NEXMIF: variants seen among roughly 807,000 people sequenced by gnomAD.
NEXMIF encodes the protein neurite extension and migration factor.
In NEXMIF, 8 loss-of-function variants were observed where a neutral mutation model predicts 62.1. That is an observed-to-expected ratio of 0.13 (90% CI 0.08 to 0.23). The LOEUF (loss-of-function observed/expected upper bound fraction) is 0.23, where lower values mean the gene tolerates loss of function less well. Ranked by LOEUF, NEXMIF falls within the 10% of genes least tolerant of loss-of-function variation. NEXMIF has a pLI of 1.00. For missense variants in NEXMIF, 976 were observed against 1,113.3 expected (o/e 0.88, Z 1.75); for synonymous variants, 404 against 416.6 (o/e 0.97, Z 0.37).
At chrX:74,856,325 G>A (rs1441038141) in intron 1 of NEXMIF, among the ~76,000 whole-genome samples, 1 of 111,621 alleles carries the variant, frequency 9.0e-6, no homozygotes, top group African/African-American at 3.3e-5. Flanking sequence ...CATTTCAGCA[G>A]GTAGAAGAAA....
chrX:74,774,830 AG>A (rs767055848), intron 1 of NEXMIF, among the ~76,000 whole-genome samples: 1 of 111,860 alleles, frequency 8.9e-6, no homozygotes, highest in Non-Finnish European at 1.9e-5. Context: ...AGAGAGGTGC[AG>A]CAAAATATCT....
At chrX:74,859,919 A>T (rs1578813) in intron 1 of NEXMIF, among the ~76,000 whole-genome samples, 2 of 109,805 alleles carry the variant, frequency 1.8e-5, no homozygotes, top group African/African-American at 6.7e-5. Context: ...GGAATTAAAT[A>T]ACACCACCTA....
chrX:74,874,919 T>C, intron 1 of NEXMIF, among the ~76,000 whole-genome samples: 1 of 109,113 alleles, frequency 9.2e-6, no homozygotes, highest in Admixed American at 9.9e-5. Flanking sequence ...TTTCTAGATA[T>C]ACAACCATGT....
At chrX:74,746,908 G>T (rs1344038446) in intron 1 of NEXMIF, among the ~76,000 whole-genome samples, 2 of 112,617 alleles carry the variant, frequency 1.8e-5, no homozygotes, top group Non-Finnish European at 3.7e-5. Context: ...AGGGAAAAGA[G>T]AAAATATATG....
Position 74,820,330 on chromosome X carries a change from T to TATA in NEXMIF, c.-47-74636_-47-74634dup, listed in dbSNP as rs759039271. On this transcript the variant is annotated intron_variant, in intron 1 of 3. Coordinates refer to ENST00000055682, the MANE Select transcript of NEXMIF (RefSeq NM_001008537.3). ...TGCACATGTACCCTAGAACTTAAAG[T>TATA]ATAATAATAATAATAATAATAATAA... 6.4e-3 allele frequency among the ~76,000 whole-genome samples: 691 copies of TATA among 108,291 alleles called. 2 individuals are homozygous for TATA. Among genetic ancestry groups the TATA allele is most frequent in the South Asian group, 0.018 (45 of 2,454 alleles). The allele number at this position is 108,291 out of a possible 115,157, so 94.0% of individuals were successfully genotyped here.
intron 1 of NEXMIF, among the ~76,000 whole-genome samples, chrX:74,794,871 C>G (rs1443671202): frequency 8.9e-6 from 1 of 111,836 alleles, no homozygotes; most frequent in Non-Finnish European, 1.9e-5. Context: ...CCTACGCCCA[C>G]TGTCTGGCAC....
chrX:74,809,537 T>C (rs1285274861), intron 1 of NEXMIF, among the ~76,000 whole-genome samples: 10 of 111,868 alleles, frequency 8.9e-5, no homozygotes, highest in Admixed American at 7.6e-4. Context: ...AGAACTACAA[T>C]GTTTAGCTTA....
chrX:74,893,642 G>GC (rs1450461666), intron 1 of NEXMIF, among the ~76,000 whole-genome samples: 3 of 112,592 alleles, frequency 2.7e-5, no homozygotes, highest in Non-Finnish European at 3.7e-5. Flanking sequence ...CTCTATTTAG[G>GC]CAAGTTGTAA....
intron 1 of NEXMIF, among the ~76,000 whole-genome samples, chrX:74,919,725 T>G (rs888745453): frequency 1.8e-5 from 2 of 110,888 alleles, no homozygotes; most frequent in African/African-American, 6.6e-5. Flanking sequence ...GCTGCACCCA[T>G]TAACTCATCA....
At chrX:74,780,314 A>T (rs2080242361) in intron 1 of NEXMIF, among the ~76,000 whole-genome samples, 1 of 110,675 alleles carries the variant, frequency 9.0e-6, no homozygotes, top group Admixed American at 9.7e-5. Context: ...TGGTTCATGG[A>T]TGTAATAAAA....
chrX:74,844,899 AT>A (rs1266134484), intron 1 of NEXMIF, among the ~76,000 whole-genome samples: 3 of 111,712 alleles, frequency 2.7e-5, no homozygotes, highest in Non-Finnish European at 5.7e-5. Flanking sequence ...ATCCAACACC[AT>A]TTTTTTCAAC....
At chrX:74,754,979 A>G (rs962189080) in intron 1 of NEXMIF, among the ~76,000 whole-genome samples, 3 of 112,095 alleles carry the variant, frequency 2.7e-5, no homozygotes, top group Non-Finnish European at 3.8e-5. Flanking sequence ...GGTAACTGGG[A>G]GCCTCAGTTT....
At chrX:74,813,747 C>T (rs1198172885) in intron 1 of NEXMIF, among the ~76,000 whole-genome samples, 6 of 112,007 alleles carry the variant, frequency 5.4e-5, no homozygotes, top group Non-Finnish European at 1.1e-4. Flanking sequence ...ACCAGTATCA[C>T]CAATACTCAG....
At chrX:74,776,750 CA>C (rs1226171603) in intron 1 of NEXMIF, among the ~76,000 whole-genome samples, 1 of 84,806 alleles carries the variant, frequency 1.2e-5, no homozygotes, top group Non-Finnish European at 2.5e-5. Flanking sequence ...AAAAAACAAA[CA>C]AAAAAAGGAA....
intron 1 of NEXMIF, among the ~76,000 whole-genome samples, chrX:74,895,834 T>TAAA (rs749007896): frequency 2.3e-5 from 2 of 86,024 alleles, no homozygotes; most frequent in African/African-American, 8.5e-5. Flanking sequence ...GGCTACTGTG[T>TAAA]AAAAAAAAAA....
Position 74,743,872 on chromosome X carries a change from C to A in NEXMIF, c.685G>T (p.Asp229Tyr), listed in dbSNP as rs139459124. ...ETEKPDIDLEDPAQKSYYEAL... is the reference protein window; with the variant it reads ...ETEKPDIDLEYPAQKSYYEAL... ...TCATAATAGCTTTTCTGAGCCGGAT[C>A]CTCCAAGTCAATGTCAGGTTTCTCA... The change falls in exon 3 of 4, where the codon GAT (aspartate) becomes TAT (tyrosine). Residue 229 changes from aspartate to tyrosine, a missense_variant. Asp to Tyr is a radical substitution (Grantham distance 160). Around this residue, in one of 5 missense-constraint regions of NEXMIF, gnomAD observed 45 missense variants for 86.8 expected, o/e 0.52. Transcript: ENST00000055682. The A allele has an allele frequency of 9.1e-6, 11 of 1,209,513 alleles. No individual in the cohort carries two copies. The African/African-American group carries it at 1.2e-4, about 13-fold the overall frequency.
chrX:74,824,765 C>A (rs1490599877), intron 1 of NEXMIF, among the ~76,000 whole-genome samples: 1 of 109,700 alleles, frequency 9.1e-6, no homozygotes, highest in Admixed American at 9.7e-5. Context: ...TCTCCTGCCT[C>A]AGCCTCCCCA....
At chrX:74,761,876 C>G (rs1231562745) in intron 1 of NEXMIF, among the ~76,000 whole-genome samples, 2 of 111,264 alleles carry the variant, frequency 1.8e-5, no homozygotes, top group Non-Finnish European at 3.8e-5. Context: ...TCTCTTTTAA[C>G]ACCGCGTCCC....
At chrX:74,816,047 A>G (rs1429314023) in intron 1 of NEXMIF, among the ~76,000 whole-genome samples, 1 of 111,485 alleles carries the variant, frequency 9.0e-6, no homozygotes, top group African/African-American at 3.3e-5. Context: ...CTTATTAACT[A>G]CATAGGAAAT....
Sources: allele counts gnomAD v4.1 joint callset (sites outside exome capture counted in the v4.1 genomes callset), GRCh38; gene constraint gnomAD v4.1.1; regional missense constraint gnomAD v4.1.1; transcripts MANE v1.5; gene names NCBI Gene and HGNC (gene_info 2026-07-23, HGNC 2026-07-21).